ADRA1B: variants seen among roughly 807,000 people sequenced by gnomAD.
ADRA1B encodes adrenoceptor alpha 1B.
A neutral mutation model predicts 17.9 loss-of-function variants in ADRA1B; 17 were observed. That is an observed-to-expected ratio of 0.95 (90% CI 0.65 to 1.42). The LOEUF (loss-of-function observed/expected upper bound fraction) is 1.42, where lower values mean the gene tolerates loss of function less well. Ranked by LOEUF, ADRA1B falls within the 40% of genes most tolerant of loss-of-function variation. ADRA1B has a pLI of 0.00. For missense variants in ADRA1B, 681 were observed against 722.1 expected, an observed-to-expected ratio of 0.94 and a Z score of 0.65; for synonymous variants, 366 against 327.6, an observed-to-expected ratio of 1.12 and a Z score of -1.27.
intron 1 of ADRA1B, among the ~76,000 whole-genome samples, chr5:159,874,479 T>C (rs77433859): frequency 0.017 from 2,600 of 152,298 alleles, 65 homozygotes; most frequent in African/African-American, 0.06. Flanking sequence ...GCAGCACCTA[T>C]TATTCATGAC....
chr5:159,973,107 C>G (rs564164953), downstream of ADRA1B, among the ~76,000 whole-genome samples: 9 of 152,280 alleles, frequency 5.9e-5, no homozygotes, highest in Admixed American at 4.6e-4. Context: ...TCTTAGGGTC[C>G]TTCGCTTTCC....
At chr5:159,944,081 C>T (rs530291789) in intron 1 of ADRA1B, among the ~76,000 whole-genome samples, 1 of 152,322 alleles carries the variant, frequency 6.6e-6, no homozygotes, top group South Asian at 2.1e-4. Flanking sequence ...CTTACAGAGA[C>T]CATTTTCACC....
In ADRA1B at chr5:159,968,818, T is replaced by A. The variant is rs566603576; in HGVS notation, c.950-3061T>A. On this transcript the variant is annotated intron_variant, in intron 1 of 1. Transcript: ENST00000306675. ...TGGTCTCAAAATCCTGGTCTCAAGT[T>A]ATCCTCCTGCCTTGGCATCCCAAAA... is the stretch of plus-strand genomic sequence containing the variant. Among the ~76,000 whole-genome samples, 16 of 152,334 alleles carry A rather than the reference T, an allele frequency of 1.1e-4. No homozygotes were observed. In the East Asian group the frequency reaches 2.9e-3, roughly 28 times the overall value.
rs114096554 is a variant in ADRA1B at position 159,948,675 on chromosome 5, C to T, written c.950-23204C>T. 1.7e-3 allele frequency: 288 copies of T among 168,592 alleles called. 1 individual carries two copies. Among genetic ancestry groups the T allele is most frequent in the African/African-American group, 6.5e-3 (271 of 41,856 alleles). 10.4% of individuals were successfully genotyped at this position (168,592 alleles called of 1,614,324 possible). A position where few individuals can be genotyped will look rare whatever the true frequency, so the allele number is the denominator to read the frequency against. ...TTGTAACCTGTTCTTTGTCTCTTGA[C>T]GTATTATGAACACGTTTCTAATCAT... On this transcript the variant is annotated intron_variant, in intron 1 of 1. Transcript: ENST00000306675.
chr5:159,887,992 A>C (rs1482019127), intron 1 of ADRA1B: 1 of 152,118 alleles, frequency 6.6e-6, no homozygotes, highest in East Asian at 1.9e-4. Context: ...TACTCATAAC[A>C]TTTAAAAGAG....
intron 1 of ADRA1B, among the ~76,000 whole-genome samples, chr5:159,904,680 T>C (rs1754139930): frequency 6.6e-6 from 1 of 152,200 alleles, no homozygotes; most frequent in African/African-American, 2.4e-5. Flanking sequence ...TTTAAATTCA[T>C]AGCACTTGTG....
intron 1 of ADRA1B, among the ~76,000 whole-genome samples, chr5:159,940,026 G>C (rs979043547): frequency 3.3e-5 from 5 of 152,178 alleles, no homozygotes; most frequent in African/African-American, 1.2e-4. Context: ...CACCTAGCAT[G>C]GGCCTGGCAC....
At chr5:159,959,995 C>G (rs1401753707) in intron 1 of ADRA1B, among the ~76,000 whole-genome samples, 1 of 152,192 alleles carries the variant, frequency 6.6e-6, no homozygotes, top group African/African-American at 2.4e-5. Context: ...GTTCCATACA[C>G]TCACAGCTTC....
chr5:159,983,241 G>A, the ADRA1B span, among the ~76,000 whole-genome samples: 1 of 152,178 alleles, frequency 6.6e-6, no homozygotes, highest in Admixed American at 6.5e-5. Flanking sequence ...AGATCCCTCT[G>A]CTGCTTCAGA....
intron 1 of ADRA1B, among the ~76,000 whole-genome samples, chr5:159,946,273 A>G (rs1403773780): frequency 1.3e-5 from 2 of 152,238 alleles, no homozygotes; most frequent in African/African-American, 2.4e-5. Context: ...AGGCTTCTCC[A>G]GGATTTATCC....
intron 1 of ADRA1B, chr5:159,869,536 C>A (rs1435532440): frequency 3.3e-5 from 5 of 152,210 alleles, no homozygotes; most frequent in Non-Finnish European, 5.9e-5. Context: ...TATTTCAGAA[C>A]GATCTGGAGA....
chr5:159,905,324 T>C (rs1009598657), intron 1 of ADRA1B, among the ~76,000 whole-genome samples: 1 of 152,238 alleles, frequency 6.6e-6, no homozygotes, highest in Non-Finnish European at 1.5e-5. Flanking sequence ...CAATTTTGCA[T>C]GCTGGAAGCT....
chr5:159,977,216 A>C (rs1440606773), downstream of ADRA1B, among the ~76,000 whole-genome samples: 1 of 152,194 alleles, frequency 6.6e-6, no homozygotes, highest in Non-Finnish European at 1.5e-5. Flanking sequence ...CCAGGTTATA[A>C]ACTTTTCAAC....
chr5:159,967,097 T>C (rs1755790018), intron 1 of ADRA1B, among the ~76,000 whole-genome samples: 1 of 152,250 alleles, frequency 6.6e-6, no homozygotes, highest in African/African-American at 2.4e-5. Flanking sequence ...TCCCTTCTGC[T>C]TAAGTGGAGT....
chr5:159,951,482 G>A, intron 1 of ADRA1B: 1 of 705,436 alleles, frequency 1.4e-6, no homozygotes, highest in East Asian at 2.6e-5. Context: ...GTTGACTCCA[G>A]CCTTCACCTT....
At chr5:159,915,835 T>A (rs995595334), upstream of ADRA1B, among the ~76,000 whole-genome samples, 1 of 152,212 alleles carries the variant, frequency 6.6e-6, no homozygotes, top group African/African-American at 2.4e-5. Flanking sequence ...CTGTCTTCTG[T>A]CGGGAGAAGC....
chr5:159,982,263 C>T, the ADRA1B span, among the ~76,000 whole-genome samples: 1 of 152,184 alleles, frequency 6.6e-6, no homozygotes, highest in Non-Finnish European at 1.5e-5. Context: ...CTAGAAAAGT[C>T]CATTCTGTCT....
chr5:159,970,351 A>AT (rs1477530760), intron 1 of ADRA1B, among the ~76,000 whole-genome samples: 1 of 152,004 alleles, frequency 6.6e-6, no homozygotes, highest in Admixed American at 6.6e-5. Flanking sequence ...ATCTCATTCT[A>AT]TTTCCTACTT....
At chr5:159,960,240 C>G (rs1755642745) in intron 1 of ADRA1B, among the ~76,000 whole-genome samples, 3 of 152,206 alleles carry the variant, frequency 2.0e-5, no homozygotes, top group Admixed American at 2.0e-4. Context: ...AAGGGTATCT[C>G]AGACCAGTGT....
Sources: allele counts gnomAD v4.1 joint callset (sites outside exome capture counted in the v4.1 genomes callset), GRCh38; gene constraint gnomAD v4.1.1; transcripts MANE v1.5; gene names NCBI Gene and HGNC (gene_info 2026-07-23, HGNC 2026-07-21).